ZNF599: variants seen among roughly 807,000 people sequenced by gnomAD.
ZNF599 encodes zinc finger protein 599.
ZNF599 carries 10 observed loss-of-function variants against 11.7 expected under a neutral mutation model. The observed-to-expected ratio is 0.86, with a 90% CI of 0.53 to 1.45. ZNF599 has a LOEUF of 1.45. ZNF599 is among the 40% of genes most tolerant of loss of function. ZNF599 has a pLI of 0.00. For missense variants in ZNF599, 688 were observed against 713.6 expected, an observed-to-expected ratio of 0.96 and a Z score of 0.41; for synonymous variants, 232 against 253.2, an observed-to-expected ratio of 0.92 and a Z score of 0.79.
chr19:34,773,703 G>GC (rs1437452629), upstream of ZNF599, among the ~76,000 whole-genome samples: 1 of 151,946 alleles, frequency 6.6e-6, no homozygotes, highest in Non-Finnish European at 1.5e-5. Flanking sequence ...AGGTACTCTG[G>GC]GGGGTGGGAC....
chr19:34,788,306 T>C, the ZNF599 span, among the ~76,000 whole-genome samples: 1 of 152,146 alleles, frequency 6.6e-6, no homozygotes, highest in Non-Finnish European at 1.5e-5. Flanking sequence ...CCAGTCACTG[T>C]CTCCATCTCA....
chr19:34,780,974 A>G, the ZNF599 span, among the ~76,000 whole-genome samples: 144,387 of 152,034 alleles, frequency 0.95, 68,926 homozygotes, highest in Middle Eastern at 0.99. Flanking sequence ...GGCTAACACG[A>G]TGAAACCCCA....
chr19:34,762,407 C>G (rs1203522291), intron 3 of ZNF599, among the ~76,000 whole-genome samples: 1 of 152,064 alleles, frequency 6.6e-6, no homozygotes, highest in African/African-American at 2.4e-5. Context: ...ATGGGTATAA[C>G]CATTTTAGGA....
intron 3 of ZNF599, chr19:34,764,077 G>C (rs1283429050): frequency 6.6e-6 from 1 of 152,094 alleles, no homozygotes; most frequent in Non-Finnish European, 1.5e-5. Flanking sequence ...GTGAGATCCT[G>C]TCTCAAAAAA....
Position 34,758,583 on chromosome 19 carries a change from C to A in ZNF599, c.*451G>T, listed in dbSNP as rs2069086475. The A allele has an allele frequency of 6.4e-6, 1 of 156,038 alleles. No individual in the cohort carries two copies. The highest frequency in any genetic ancestry group is 2.0e-4 in the South Asian group (1 of 5,088). The allele number at this position is 156,038 out of a possible 1,614,324, so 9.7% of individuals were successfully genotyped here. A position where few individuals can be genotyped will look rare whatever the true frequency, so the allele number is the denominator to read the frequency against. On this transcript the variant is annotated 3_prime_UTR_variant, in exon 4 of 4. Transcript: ENST00000329285. ...TCTTATTCCCTGCTCCATCCCCCAA[C>A]CCGCCAAATGACAAACTGTCATAAA...
chr19:34,794,327 T>G, the ZNF599 span, among the ~76,000 whole-genome samples: 1 of 152,186 alleles, frequency 6.6e-6, no homozygotes, highest in East Asian at 1.9e-4. Context: ...ATGGCATTTG[T>G]AAACTGTCAC....
chr19:34,778,741 A>C, the ZNF599 span, among the ~76,000 whole-genome samples: 1 of 152,232 alleles, frequency 6.6e-6, no homozygotes, highest in African/African-American at 2.4e-5. Flanking sequence ...ATATTTCTCA[A>C]CTTAGCAAAC....
At chr19:34,803,809 A>T in the ZNF599 span, among the ~76,000 whole-genome samples, 3 of 152,124 alleles carry the variant, frequency 2.0e-5, no homozygotes, top group Non-Finnish European at 2.9e-5. Context: ...CTCACTCTTC[A>T]TCCTTAAGTC....
chr19:34,769,331 G>A lies in ZNF599; in HGVS notation c.145+98C>T, dbSNP rs553210103. On this transcript the variant is annotated intron_variant, in intron 2 of 3. Coordinates refer to ENST00000329285, the MANE Select transcript of ZNF599 (RefSeq NM_001007248.3). ...ACGTGCTGAGGCTGCAGGGATCAGG[G>A]AAGGTTGGGTTCTGAGGCTCCTGGA... 8.4e-6 allele frequency: 13 copies of A among 1,547,074 alleles called. 1 individual carries two copies. The highest frequency in any genetic ancestry group is 3.4e-4 in the Middle Eastern group (2 of 5,832).
upstream of ZNF599, among the ~76,000 whole-genome samples, chr19:34,777,462 A>G (rs1314961247): frequency 1.0e-5 from 1 of 98,602 alleles, no homozygotes; most frequent in African/African-American, 4.4e-5. Flanking sequence ...AATATATAAT[A>G]TATTATATAT....
chr19:34,805,373 T>C, the ZNF599 span, among the ~76,000 whole-genome samples: 1 of 152,098 alleles, frequency 6.6e-6, no homozygotes, highest in African/African-American at 2.4e-5. Context: ...AATTTTTGTA[T>C]GTTTAGTAGA....
intron 3 of ZNF599, chr19:34,763,025 T>A (rs1226782349): frequency 2.6e-5 from 4 of 152,000 alleles, no homozygotes; most frequent in South Asian, 2.1e-4. Flanking sequence ...ACAGAACATC[T>A]GAATAGCCTA....
the ZNF599 span, among the ~76,000 whole-genome samples, chr19:34,803,247 G>A: frequency 0.012 from 1,761 of 152,272 alleles, 21 homozygotes; most frequent in African/African-American, 0.04. Flanking sequence ...CCAGGAAACT[G>A]AGGAAGGAAG....
upstream of ZNF599, chr19:34,773,276 T>C (rs569708509): frequency 1.4e-3 from 249 of 181,278 alleles, 1 homozygote; most frequent in African/African-American, 5.4e-3. Context: ...TGGCTTGGGG[T>C]CGGCTTCCGT....
At chr19:34,778,973 A>G in the ZNF599 span, among the ~76,000 whole-genome samples, 1 of 152,248 alleles carries the variant, frequency 6.6e-6, no homozygotes, top group African/African-American at 2.4e-5. Context: ...GTAAGATACT[A>G]CTTGGCACCT....
At chr19:34,774,258 A>C (rs1350599739), upstream of ZNF599, among the ~76,000 whole-genome samples, 1 of 152,054 alleles carries the variant, frequency 6.6e-6, no homozygotes, top group Non-Finnish European at 1.5e-5. Flanking sequence ...GTTCATCTCT[A>C]ATTCACAGCA....
chr19:34,764,473 A>G (rs2069130384), intron 3 of ZNF599: 1 of 152,266 alleles, frequency 6.6e-6, no homozygotes, highest in South Asian at 2.1e-4. Flanking sequence ...AATACAATCA[A>G]GAATATTCAT....
chr19:34,805,322 C>G, the ZNF599 span, among the ~76,000 whole-genome samples: 1 of 151,878 alleles, frequency 6.6e-6, no homozygotes, highest in Non-Finnish European at 1.5e-5. Flanking sequence ...CTCAGCCTCC[C>G]GAGTAGCTGG....
In ZNF599 at chr19:34,759,104, T is replaced by A; in HGVS notation, c.1697A>T (p.Asn566Ile). 6.2e-7 allele frequency: 1 copy of A among 1,614,192 alleles called. No individual in the cohort carries two copies. Among genetic ancestry groups the A allele is most frequent in the Non-Finnish European group, 8.5e-7 (1 of 1,180,002 alleles). ...THTGEKPFEC[N>I]ECGKTFSHSS... ...GTGGCTGAAGGTCTTTCCACATTCA[T>A]TGCATTCAAAGGGTTTCTCTCCAGT... Residue 566 changes from asparagine (N) to isoleucine (I), a missense_variant, in exon 4 of 4, where the codon AAT (asparagine) becomes ATT (isoleucine). By Grantham distance (149) the Asn-to-Ile change is moderately radical. Coordinates refer to ENST00000329285, the MANE Select transcript of ZNF599 (RefSeq NM_001007248.3).
Sources: gnomAD v4.1 joint callset for allele counts (sites outside exome capture counted in the v4.1 genomes callset) on GRCh38, gnomAD v4.1.1 for gene constraint, MANE v1.5 for transcripts, NCBI Gene and HGNC (gene_info 2026-07-23, HGNC 2026-07-21) for gene names.